SLC1A7: variants seen among roughly 807,000 people sequenced by gnomAD.
SLC1A7 encodes solute carrier family 1 member 7.
SLC1A7 carries 40 observed loss-of-function variants against 47.7 expected under a neutral mutation model. That is an observed-to-expected ratio of 0.84 (90% CI 0.65 to 1.09). The LOEUF is 1.09. SLC1A7 is among the 50% of genes least tolerant of loss of function. The pLI is 0.00. For synonymous variants in SLC1A7, 323 were observed against 325.6 expected (o/e 0.99, Z 0.09); for missense variants, 746 against 769.5 (o/e 0.97, Z 0.36).
chr1:53,113,269 C>A (rs1018336405), intron 3 of SLC1A7, among the ~76,000 whole-genome samples: 2 of 152,058 alleles, frequency 1.3e-5, no homozygotes, highest in Admixed American at 6.5e-5. Flanking sequence ...CATCCCAATC[C>A]CTGCTCTCTC....
chr1:53,125,331 G>A (rs1163198256), intron 2 of SLC1A7, among the ~76,000 whole-genome samples: 2 of 152,354 alleles, frequency 1.3e-5, no homozygotes, highest in African/African-American at 4.8e-5. Flanking sequence ...AGCAAATGTC[G>A]GATGAGAAGG....
chr1:53,088,594 T>C (rs1459893342), intron 10 of SLC1A7, among the ~76,000 whole-genome samples: 1 of 152,196 alleles, frequency 6.6e-6, no homozygotes, highest in Non-Finnish European at 1.5e-5. Context: ...TGCTCACATG[T>C]TGGCTAAACT....
At chr1:53,137,813 C>T (rs1645016941) in intron 1 of SLC1A7, among the ~76,000 whole-genome samples, 1 of 152,198 alleles carries the variant, frequency 6.6e-6, no homozygotes, top group Non-Finnish European at 1.5e-5. Context: ...GTGAGCTTTC[C>T]ACCTTCCTGC....
At chr1:53,090,034 C>T in intron 8 of SLC1A7, 100 bp from the exon 9 acceptor site, 3 of 1,357,506 alleles carry the variant, frequency 2.2e-6, no homozygotes, top group East Asian at 4.8e-5. Flanking sequence ...GCCTCTGGGA[C>T]AGCCATTTGG....
At chr1:53,093,143 C>T (rs1403058074) in intron 6 of SLC1A7, among the ~76,000 whole-genome samples, 1 of 152,236 alleles carries the variant, frequency 6.6e-6, no homozygotes, top group Non-Finnish European at 1.5e-5. Context: ...GAACTGTGGG[C>T]TAGTCCTTAC....
chr1:53,107,121 A>C (rs1644651343), intron 3 of SLC1A7, among the ~76,000 whole-genome samples: 1 of 138,278 alleles, frequency 7.2e-6, no homozygotes, highest in Non-Finnish European at 1.5e-5. Context: ...GCACCACTGC[A>C]CTCCAGCCTG....
chr1:53,108,612 T>C (rs527582722), intron 3 of SLC1A7: 1 of 718,000 alleles, frequency 1.4e-6, no homozygotes, highest in South Asian at 1.5e-5. Context: ...TTTGGTCCGT[T>C]CCTCCAACTT....
At chr1:53,093,953 C>G (rs1295850683) in intron 5 of SLC1A7, among the ~76,000 whole-genome samples, 2 of 152,156 alleles carry the variant, frequency 1.3e-5, no homozygotes, top group African/African-American at 4.8e-5. Context: ...GCACCACTGG[C>G]CTTCTTTAAG....
At chr1:53,091,272 C>A (rs899262284) in intron 7 of SLC1A7, among the ~76,000 whole-genome samples, 8 of 152,244 alleles carry the variant, frequency 5.3e-5, no homozygotes, top group African/African-American at 1.7e-4. Flanking sequence ...CCCACTCAGT[C>A]AATGGTGACC....
At chr1:53,140,886 A>T (rs1645050466) in intron 1 of SLC1A7, among the ~76,000 whole-genome samples, 1 of 152,208 alleles carries the variant, frequency 6.6e-6, no homozygotes, top group South Asian at 2.1e-4. Context: ...TCGAGGCTTA[A>T]CAGGGTCACT....
intron 5 of SLC1A7, among the ~76,000 whole-genome samples, chr1:53,101,258 C>T (rs1644575112): frequency 1.4e-5 from 2 of 145,062 alleles, no homozygotes; most frequent in African/African-American, 5.1e-5. Flanking sequence ...GGTACACTCA[C>T]ACACCCCACC....
chr1:53,114,552 C>A, intron 3 of SLC1A7: 1 of 592,614 alleles, frequency 1.7e-6, no homozygotes, highest in Non-Finnish European at 3.0e-6. Context: ...GAGGGGCAGA[C>A]CCCGTCCAGG....
At chr1:53,102,380 T>C (rs1048673166) in intron 5 of SLC1A7, 6 of 152,332 alleles carry the variant, frequency 3.9e-5, no homozygotes, top group African/African-American at 1.4e-4. Context: ...AGCAATGATA[T>C]CCTTGCAATC....
intron 5 of SLC1A7, among the ~76,000 whole-genome samples, chr1:53,100,892 C>T (rs571687187): frequency 6.6e-6 from 1 of 151,382 alleles, no homozygotes; most frequent in Non-Finnish European, 1.5e-5. Context: ...TACACTCAGA[C>T]TGCCTCAATA....
At chr1:53,108,858 A>G (rs1644673405) in intron 3 of SLC1A7, among the ~76,000 whole-genome samples, 1 of 152,082 alleles carries the variant, frequency 6.6e-6, no homozygotes, top group Non-Finnish European at 1.5e-5. Flanking sequence ...GCAAGTCCTG[A>G]CTCGTGTGTG....
chr1:53,097,414 TGGTACAATCACACACACCACCTC>T (rs1644508992), intron 5 of SLC1A7, among the ~76,000 whole-genome samples: 1 of 95,208 alleles, frequency 1.1e-5, no homozygotes, highest in Non-Finnish European at 2.4e-5. Context: ...CAACCCACCT[TGGTACAATCACACACACCACCTC>T]GGTACACTCA....
chr1:53,093,292 G>A (rs949427359), intron 6 of SLC1A7, among the ~76,000 whole-genome samples, 169 bp downstream of exon 6: 19 of 152,180 alleles, frequency 1.2e-4, no homozygotes, highest in African/African-American at 4.3e-4. Flanking sequence ...GCCAGGCCTG[G>A]CTGGGGCTGG....
At chr1:53,128,088 C>T (rs908246352) in intron 2 of SLC1A7, among the ~76,000 whole-genome samples, 1 of 152,186 alleles carries the variant, frequency 6.6e-6, no homozygotes, top group Non-Finnish European at 1.5e-5. Flanking sequence ...ACTGAAGGCA[C>T]TACTTGAAGC....
At chr1:53,103,991 A>C (rs970464091) in intron 4 of SLC1A7, among the ~76,000 whole-genome samples, 2 of 152,118 alleles carry the variant, frequency 1.3e-5, no homozygotes, top group Non-Finnish European at 2.9e-5. Flanking sequence ...TTTTTGAAGA[A>C]GCATAGCCTG....
Sources: gnomAD v4.1 joint callset for allele counts (sites outside exome capture counted in the v4.1 genomes callset) on GRCh38, gnomAD v4.1.1 for gene constraint, MANE v1.5 for transcripts, NCBI Gene and HGNC (gene_info 2026-07-23, HGNC 2026-07-21) for gene names.